RBFOX1: variants seen among roughly 807,000 people sequenced by gnomAD.
RBFOX1 encodes the protein RNA binding protein fox-1 homolog 1.
In RBFOX1, 8 loss-of-function variants were observed where a neutral mutation model predicts 57.7. The ratio of observed to expected loss-of-function variants is 0.14; its 90% confidence interval spans 0.08 to 0.25. The LOEUF is 0.25. RBFOX1 is among the 10% of genes least tolerant of loss of function. RBFOX1 has a pLI of 1.00. For synonymous variants in RBFOX1, 326 were observed against 222.4 expected (o/e 1.47, Z -4.15); for missense variants, 611 against 548.5 (o/e 1.11, Z -1.14).
intron 4 of RBFOX1, among the ~76,000 whole-genome samples, chr16:7,507,938 A>G (rs1049496452): frequency 6.6e-6 from 1 of 151,380 alleles, no homozygotes; most frequent in Non-Finnish European, 1.5e-5. Flanking sequence ...TGTTGCATCT[A>G]TCTGATTGTT....
intron 2 of RBFOX1, among the ~76,000 whole-genome samples, chr16:5,491,877 A>G (rs1004981560): frequency 6.6e-6 from 1 of 152,240 alleles, no homozygotes. Context: ...GTAACAACAG[A>G]CAAACATACA....
chr16:5,939,812 C>G (rs1282492962), intron 4 of RBFOX1, among the ~76,000 whole-genome samples: 3 of 152,150 alleles, frequency 2.0e-5, no homozygotes, highest in African/African-American at 7.2e-5. Context: ...CATAAAGCCA[C>G]AGCCATACCC....
chr16:7,064,659 T>A (rs1383600906), intron 4 of RBFOX1, among the ~76,000 whole-genome samples: 1 of 152,140 alleles, frequency 6.6e-6, no homozygotes, highest in African/African-American at 2.4e-5. Context: ...GTTGTTTGAT[T>A]TCCCTGGTCC....
chr16:6,913,026 G>A (rs7188911), intron 3 of RBFOX1, among the ~76,000 whole-genome samples: 110,203 of 151,774 alleles, frequency 0.73, 40,265 homozygotes, highest in East Asian at 0.93. Flanking sequence ...TCTGCTGGGT[G>A]AGGATGGGCT....
chr16:5,746,193 G>A (rs2052973978), intron 3 of RBFOX1, among the ~76,000 whole-genome samples: 1 of 152,146 alleles, frequency 6.6e-6, no homozygotes, highest in African/African-American at 2.4e-5. Context: ...TATTAAATAG[G>A]GAATCCTTCC....
intron 1 of RBFOX1, among the ~76,000 whole-genome samples, chr16:6,069,380 A>G (rs898824241): frequency 6.8e-6 from 1 of 146,044 alleles, no homozygotes; most frequent in African/African-American, 2.6e-5. Context: ...CCTGGGCAAC[A>G]AGAGCGAAAC....
intron 2 of RBFOX1, among the ~76,000 whole-genome samples, chr16:6,508,744 A>T (rs2096178769): frequency 6.6e-6 from 1 of 152,156 alleles, no homozygotes; most frequent in Non-Finnish European, 1.5e-5. Flanking sequence ...TCACAGGATG[A>T]ATTACTTGCC....
chr16:5,539,341 CCAG>C (rs1481777261), intron 2 of RBFOX1, among the ~76,000 whole-genome samples: 2 of 151,058 alleles, frequency 1.3e-5, no homozygotes, highest in East Asian at 4.0e-4. Flanking sequence ...GCCTGTAATC[CCAG>C]CACTTTGGGA....
At chr16:7,547,033 C>T (rs1391073311) in intron 5 of RBFOX1, among the ~76,000 whole-genome samples, 4 of 152,108 alleles carry the variant, frequency 2.6e-5, no homozygotes, top group Non-Finnish European at 4.4e-5. Context: ...CAAGACTGCA[C>T]GGCAGTGTCC....
intron 3 of RBFOX1, among the ~76,000 whole-genome samples, chr16:6,818,616 A>G (rs1161329322): frequency 6.6e-6 from 1 of 152,046 alleles, no homozygotes; most frequent in East Asian, 1.9e-4. Flanking sequence ...GGCATGTATC[A>G]CTCAGCACCT....
chr16:7,166,214 A>G (rs551948654), intron 4 of RBFOX1, among the ~76,000 whole-genome samples: 38 of 152,240 alleles, frequency 2.5e-4, no homozygotes, highest in Admixed American at 2.5e-3. Flanking sequence ...GGGTTTTGCC[A>G]TGTAGGCCAG....
intron 3 of RBFOX1, among the ~76,000 whole-genome samples, chr16:6,959,143 C>G (rs1387075808): frequency 6.6e-6 from 1 of 151,902 alleles, no homozygotes; most frequent in African/African-American, 2.4e-5. Flanking sequence ...TCCACTTTTT[C>G]AGACTACGAT....
intron 4 of RBFOX1, among the ~76,000 whole-genome samples, chr16:5,967,832 G>A (rs971145709): frequency 6.6e-6 from 1 of 152,106 alleles, no homozygotes; most frequent in African/African-American, 2.4e-5. Flanking sequence ...CCATCAATTC[G>A]GATATCTGAA....
At chr16:7,279,049 T>G (rs753547794) in intron 4 of RBFOX1, among the ~76,000 whole-genome samples, 1 of 152,082 alleles carries the variant, frequency 6.6e-6, no homozygotes, top group Non-Finnish European at 1.5e-5. Flanking sequence ...AAAAGTCCTA[T>G]TTTATCTAAT....
intron 4 of RBFOX1, among the ~76,000 whole-genome samples, chr16:7,189,639 T>C (rs1438391305): frequency 4.0e-5 from 6 of 151,854 alleles, no homozygotes; most frequent in Admixed American, 3.9e-4. Flanking sequence ...TAATTATCTG[T>C]ATCTCATTTT....
intron 3 of RBFOX1, among the ~76,000 whole-genome samples, chr16:6,790,063 A>G (rs997446976): frequency 6.9e-6 from 1 of 145,298 alleles, no homozygotes; most frequent in Non-Finnish European, 1.5e-5. Context: ...ATGGAGATTT[A>G]ATAAACTTAT....
chr16:5,989,883 A>ACACACACACACACACCC (rs2060361468), intron 4 of RBFOX1, among the ~76,000 whole-genome samples: 1 of 43,240 alleles, frequency 2.3e-5, no homozygotes, highest in Non-Finnish European at 5.4e-5. Context: ...CACACACACC[A>ACACACACACACACACCC]CCCCTGTTTT....
chr16:7,088,656 T>C (rs1362448146), intron 4 of RBFOX1, among the ~76,000 whole-genome samples: 1 of 152,144 alleles, frequency 6.6e-6, no homozygotes, highest in Non-Finnish European at 1.5e-5. Flanking sequence ...CTAGCATGAA[T>C]GGTTTAGAAA....
intron 1 of RBFOX1, among the ~76,000 whole-genome samples, chr16:5,453,227 A>G (rs998382565): frequency 1.6e-4 from 24 of 152,188 alleles, no homozygotes; most frequent in African/African-American, 5.8e-4. Flanking sequence ...GGAAACAGAC[A>G]TGGTCCTTGA....
Sources: gnomAD v4.1 joint callset for allele counts (sites outside exome capture counted in the v4.1 genomes callset) on GRCh38, gnomAD v4.1.1 for gene constraint, MANE v1.5 for transcripts, NCBI Gene and HGNC (gene_info 2026-07-23, HGNC 2026-07-21) for gene names.